CSPG4: variants seen among roughly 807,000 people sequenced by gnomAD.
CSPG4 encodes chondroitin sulfate proteoglycan 4 (melanoma-associated).
A neutral mutation model predicts 139.3 loss-of-function variants in CSPG4; 74 were observed. The observed-to-expected ratio is 0.53, with a 90% confidence interval of 0.44 to 0.64. CSPG4 has a LOEUF of 0.64. Ranked by LOEUF, CSPG4 falls within the 30% of genes least tolerant of loss-of-function variation. The pLI is 0.00. For missense variants in CSPG4, 2,565 were observed against 3,148.3 expected, an observed-to-expected ratio of 0.81 and a Z score of 4.43; for synonymous variants, 1,234 against 1,394.2, an observed-to-expected ratio of 0.89 and a Z score of 2.56.
chr15:75,705,133 G>A (rs1450337455), intron 1 of CSPG4, among the ~76,000 whole-genome samples: 2 of 152,164 alleles, frequency 1.3e-5, no homozygotes, highest in Admixed American at 6.5e-5. Context: ...AGGCCCTGGG[G>A]AGGGCCAGGC....
At chr15:75,708,584 T>C (rs35839559) in intron 1 of CSPG4, among the ~76,000 whole-genome samples, 46,992 of 152,064 alleles carry the variant, frequency 0.31, 7,533 homozygotes, top group Admixed American at 0.37. Context: ...TGCTGGGGCC[T>C]GAGCCCACTG....
Position 75,685,667 on chromosome 15 carries a change from A to G in CSPG4, c.3824T>C (p.Val1275Ala), listed in dbSNP as rs777866637. ...AQEAVPPADI[V>A]FSVKSPPSAG... ...ACTCGGTGGGCTCTTCACTGAGAAT[A>G]CGATGTCTGCAGGTGGCACTGCCTC... The change falls in exon 4 of 10, where the codon GTA (valine) becomes GCA (alanine). Residue 1275 changes from valine (V) to alanine (A), a missense_variant. By Grantham distance (64) the Val-to-Ala change is moderately conservative. Around this residue, in one of 5 missense-constraint regions of CSPG4, gnomAD observed 2,316 missense variants for 2,818.2 expected, o/e 0.82. Coordinates refer to ENST00000308508, the MANE Select transcript of CSPG4 (RefSeq NM_001897.5). The G allele has an allele frequency of 3.1e-6, 5 of 1,604,518 alleles. No individual in the cohort carries two copies. In the South Asian group the frequency reaches 5.5e-5, roughly 18 times the overall value.
chr15:75,683,926 A>T (rs1471124941), intron 5 of CSPG4, among the ~76,000 whole-genome samples: 1 of 152,142 alleles, frequency 6.6e-6, no homozygotes, highest in Non-Finnish European at 1.5e-5. Context: ...GCTGCCACAC[A>T]GCCGTCCTGG....
intron 1 of CSPG4, among the ~76,000 whole-genome samples, chr15:75,694,311 C>A (rs1203240832): frequency 6.6e-6 from 1 of 152,136 alleles, no homozygotes; most frequent in Non-Finnish European, 1.5e-5. Flanking sequence ...CCAGATTAGC[C>A]TCCCTGACTT....
chr15:75,695,126 A>G (rs1894209552), intron 1 of CSPG4, among the ~76,000 whole-genome samples: 1 of 152,206 alleles, frequency 6.6e-6, no homozygotes, highest in African/African-American at 2.4e-5. Flanking sequence ...CCCCTCCCCA[A>G]GAAAGCCCAT....
rs979143012 is a variant in CSPG4 at position 75,687,118 on chromosome 15, G to A, written c.3789+158C>T. On this transcript the variant is annotated intron_variant, in intron 3 of 9. Transcript: ENST00000308508. This position sits in a 1 kb window ranked among gnomAD's most constrained non-coding sequence, Gnocchi z 5.4. ...ATAGCAAGCTCCCCAGAAACTCCTG[G>A]GAGCACAACATATACGGGAGCACAT... Among the ~76,000 whole-genome samples, 3 of 152,126 alleles carry A rather than the reference G, an allele frequency of 2.0e-5. No homozygotes were observed. The highest frequency in any genetic ancestry group is 7.2e-5 in the African/African-American group (3 of 41,434).
At chr15:75,709,662 C>T (rs1894420012) in intron 1 of CSPG4, among the ~76,000 whole-genome samples, 1 of 152,178 alleles carries the variant, frequency 6.6e-6, no homozygotes, top group Non-Finnish European at 1.5e-5. Context: ...TTCCAACTCC[C>T]CCTCCCCTGC....
intron 8 of CSPG4, 54 bp downstream of exon 8, chr15:75,682,239 C>G (rs1222931096): frequency 6.3e-7 from 1 of 1,582,846 alleles, no homozygotes; most frequent in Admixed American, 1.7e-5. Context: ...CATGGCACAG[C>G]GGCCACCTGA....
Position 75,675,199 on chromosome 15 carries a change from G to A in CSPG4, c.*351C>T, listed in dbSNP as rs1436833378. ...GCCCTCTTAGCAGCCTGGGTCAGGC[G>A]CGACTTACCCAAGGTCACAGACCCA... is the stretch of plus-strand genomic sequence containing the variant. On this transcript the variant is annotated 3_prime_UTR_variant, in exon 10 of 10. Coordinates refer to ENST00000308508, the MANE Select transcript of CSPG4 (RefSeq NM_001897.5). 2.1e-5 allele frequency: 6 copies of A among 289,408 alleles called. No homozygotes were observed. Among genetic ancestry groups the A allele is most frequent in the African/African-American group, 6.5e-5 (3 of 46,168 alleles). 17.9% of individuals were successfully genotyped at this position (289,408 alleles called of 1,614,324 possible). A position where few individuals can be genotyped will look rare whatever the true frequency, so the allele number is the denominator to read the frequency against.
At chr15:75,678,156 A>ATCTG (rs1368386975) in intron 8 of CSPG4, among the ~76,000 whole-genome samples, 2 of 152,226 alleles carry the variant, frequency 1.3e-5, no homozygotes, top group East Asian at 3.9e-4. Flanking sequence ...GAATGCAATG[A>ATCTG]TCTGTCTGTG....
chr15:75,701,065 C>G (rs1894295314), intron 1 of CSPG4, among the ~76,000 whole-genome samples: 1 of 152,136 alleles, frequency 6.6e-6, no homozygotes, highest in Non-Finnish European at 1.5e-5. Flanking sequence ...AAAAGGGGAC[C>G]TGGATAGAGG....
chr15:75,712,716 G>C lies in CSPG4; in HGVS notation c.40C>G (p.Leu14Val). The part of the protein sequence containing the change: ...GPRPPLPAPG[L>V]ALALTLTMLA... ...ATAGTCAGGGTCAAAGCCAAGGCCA[G>C]GCCGGGGGCTGGAAGTGGGGGCCGC... is the stretch of plus-strand genomic sequence containing the variant. The change falls in exon 1 of 10, where the codon CTG (leucine) becomes GTG (valine). Residue 14 changes from leucine to valine, a missense_variant. Around this residue, in one of 5 missense-constraint regions of CSPG4, gnomAD observed 47 missense variants for 48.7 expected, o/e 0.97. Transcript: ENST00000308508. 6.4e-7 allele frequency: 1 copy of C among 1,563,192 alleles called. No homozygotes were observed. The highest frequency in any genetic ancestry group is 8.7e-7 in the Non-Finnish European group (1 of 1,154,476).
rs757575307 is a variant in CSPG4, at chr15:75,685,325, G to A, written c.4166C>T (p.Thr1389Ile). Residue 1389 changes from threonine (T) to isoleucine (I), a missense_variant, in exon 4 of 10, where the codon ACT becomes ATT. Physicochemically the swap from Thr to Ile is moderately conservative, Grantham distance 89 (BLOSUM62 -1). Transcript: ENST00000308508. The stretch of plus-strand genomic sequence containing the variant: ...CACCTGCAGGCTGAGGCCCAGGAGA[G>A]TGGGGAAGTAGGGCCCGGAGACACG... ...LLRVSGPYFP[T>I]LLGLSLQVLE... 6.2e-7 allele frequency: 1 copy of A among 1,605,832 alleles called. No individual in the cohort carries two copies. The highest frequency in any genetic ancestry group is 8.5e-7 in the Non-Finnish European group (1 of 1,175,728).
In CSPG4 at chr15:75,676,120, C is replaced by G; in HGVS notation, c.6399G>C (p.Arg2133Ser). ...GACTGTCACCTGCGGGGCCGGGGGC[C>G]CTCCCCTCTGGCCTGCCCACCTCCA... ...LGLEVGRPEG[R>S]APGPAGDSLT... The change falls in exon 10 of 10, where the codon AGG (arginine) becomes AGC (serine). Residue 2133 changes from arginine to serine, a missense_variant. This residue lies in a region of CSPG4 where 2,316 missense variants were observed against 2,818.2 expected (regional missense o/e 0.82). Transcript: ENST00000308508. 6.5e-7 allele frequency: 1 copy of G among 1,537,504 alleles called. No homozygotes were observed.
Position 75,677,245 on chromosome 15 carries a change from G to A in CSPG4, c.5274C>T (p.Gly1758=). The change falls in exon 10 of 10, where the codon GGC becomes GGT. Residue 1758 remains glycine, a synonymous_variant. Transcript: ENST00000308508. ...LFQVTQFPSR[G]QLLVSEEPLH... ...GGGGCTCCTCGGACACCAACAGCTG[G>A]CCCCGGCTGGGGAACTGTGTGACCT... The A allele has an allele frequency of 3.4e-6, 5 of 1,489,536 alleles. No individual in the cohort carries two copies. The highest frequency in any genetic ancestry group is 4.5e-6 in the Non-Finnish European group (5 of 1,115,490). The allele number at this position is 1,489,536 out of a possible 1,614,324, so 92.3% of individuals were successfully genotyped here.
At chr15:75,679,612 C>T (rs1179960851) in intron 8 of CSPG4, 1 of 152,242 alleles carries the variant, frequency 6.6e-6, no homozygotes, top group African/African-American at 2.4e-5. Context: ...ATATTCTTCG[C>T]TCCAGGAAGA....
At chr15:75,706,117 C>T (rs1419652596) in intron 1 of CSPG4, among the ~76,000 whole-genome samples, 5 of 152,134 alleles carry the variant, frequency 3.3e-5, no homozygotes, top group Non-Finnish European at 7.4e-5. Context: ...AAGCGGGTGT[C>T]GTGGGAATCA....
rs563810686 is a variant in CSPG4, at chr15:75,682,967, A to T, written c.4524T>A (p.Asp1508Glu). 7.4e-6 allele frequency: 12 copies of T among 1,611,584 alleles called. No homozygotes were observed. The South Asian group carries it at 1.3e-4, about 18-fold the overall frequency. Residue 1508 changes from aspartate (D) to glutamate (E), a missense_variant, in exon 6 of 10, where the codon GAT becomes GAA. Around this residue, in one of 5 missense-constraint regions of CSPG4, gnomAD observed 2,316 missense variants for 2,818.2 expected, o/e 0.82. Coordinates refer to ENST00000308508, the MANE Select transcript of CSPG4 (RefSeq NM_001897.5). ...TGGGCTGCTCGATGGTGTAGACCAG[A>T]TCCTCAGACCCAGAGTCGCCGTCCG... ...RSTDGDSGSE[D>E]LVYTIEQPSN... is the part of the protein sequence containing the mutation.
chr15:75,686,926 AC>A (rs1257638691), intron 3 of CSPG4, among the ~76,000 whole-genome samples: 1 of 152,074 alleles, frequency 6.6e-6, no homozygotes, highest in Non-Finnish European at 1.5e-5. Context: ...AAAGCTCAGG[AC>A]CCGTGATGTC....
Sources: gnomAD v4.1 joint callset for allele counts (sites outside exome capture counted in the v4.1 genomes callset) on GRCh38, gnomAD v4.1.1 for gene constraint, gnomAD v4.1.1 regional missense constraint, Gnocchi (gnomAD v3.1) non-coding constraint, MANE v1.5 for transcripts, NCBI Gene and HGNC (gene_info 2026-07-23, HGNC 2026-07-21) for gene names.